Variants in ARHGEF3 observed in about 807,000 individuals in gnomAD.
The protein encoded by ARHGEF3 is 59.8 kDA protein.
In ARHGEF3, 28 loss-of-function variants were observed where a neutral mutation model predicts 63.2. That is an observed-to-expected ratio of 0.44 (90% CI 0.33 to 0.61). The LOEUF (loss-of-function observed/expected upper bound fraction) is 0.61, where lower values mean the gene tolerates loss of function less well. Among genes scored for constraint, ARHGEF3 ranks in the 20% least tolerant of loss-of-function variants. The probability of loss-of-function intolerance (pLI) is 0.03; values close to 1 mark genes in which losing one functional copy is unlikely to be tolerated. For synonymous variants in ARHGEF3, 266 were observed against 254.2 expected (o/e 1.05, Z -0.44); for missense variants, 533 against 659.3 (o/e 0.81, Z 2.10).
chr3:56,736,067 C>A (rs1018165810), intron 8 of ARHGEF3, among the ~76,000 whole-genome samples: 1 of 150,184 alleles, frequency 6.7e-6, no homozygotes, highest in East Asian at 2.2e-4. Flanking sequence ...CACACACACA[C>A]ACACACACAC....
chr3:56,978,925 G>T (rs1164445479), intron 2 of ARHGEF3, among the ~76,000 whole-genome samples: 2 of 152,174 alleles, frequency 1.3e-5, no homozygotes, highest in Non-Finnish European at 2.9e-5. Context: ...GTAGACTAAG[G>T]CTGGAGGATC....
intron 1 of ARHGEF3, among the ~76,000 whole-genome samples, chr3:57,066,049 AAAAC>A (rs4060553): frequency 0.22 from 33,454 of 151,652 alleles, 4,134 homozygotes; most frequent in East Asian, 0.47. Flanking sequence ...ACAAAAAAAA[AAAAC>A]CCTAAAATGT....
intron 4 of ARHGEF3, among the ~76,000 whole-genome samples, chr3:56,877,824 C>A (rs2040639785): frequency 6.6e-6 from 1 of 152,046 alleles, no homozygotes; most frequent in South Asian, 2.1e-4. Flanking sequence ...TTGCAAGGGT[C>A]TTTGGCATCA....
At chr3:56,881,984 G>A (rs987476625) in intron 4 of ARHGEF3, among the ~76,000 whole-genome samples, 1 of 152,194 alleles carries the variant, frequency 6.6e-6, no homozygotes, top group Non-Finnish European at 1.5e-5. Flanking sequence ...TCCATCTTCT[G>A]GAACCAGCCT....
intron 1 of ARHGEF3, chr3:57,073,685 C>T: frequency 6.2e-7 from 1 of 1,602,156 alleles, no homozygotes; most frequent in South Asian, 1.1e-5. Flanking sequence ...CTGTTTTTGA[C>T]TTGGGCCCCA....
intron 1 of ARHGEF3, among the ~76,000 whole-genome samples, chr3:56,792,122 AG>A (rs2037116052): frequency 5.0e-5 from 7 of 140,126 alleles, no homozygotes; most frequent in South Asian, 2.2e-4. Context: ...AAAAAAGAAA[AG>A]AAAAGAAAAG....
chr3:57,019,670 A>C (rs956843210), intron 2 of ARHGEF3, among the ~76,000 whole-genome samples: 3 of 152,220 alleles, frequency 2.0e-5, no homozygotes. Context: ...TTGCTACTAT[A>C]AAGGCTCTAT....
rs28408988 is a variant in ARHGEF3, at chr3:57,029,371, G to A, written c.62+5717C>T. On this transcript the variant is annotated intron_variant, in intron 2 of 12. Transcript: ENST00000338458. ...CTTGAACCCAGGAGCGGAGGTTGCA[G>A]TGAGCAGAGATCATGCCACTACACT... Among the ~76,000 whole-genome samples the A allele has an allele frequency of 9.5e-3, 1,441 of 152,058 alleles. 33 individuals are homozygous for A. The highest frequency in any genetic ancestry group is 0.033 in the African/African-American group (1,349 of 41,440).
At chr3:56,939,213 G>A (rs1333242749) in intron 3 of ARHGEF3, among the ~76,000 whole-genome samples, 1 of 152,108 alleles carries the variant, frequency 6.6e-6, no homozygotes, top group African/African-American at 2.4e-5. Context: ...CCCAGATTCA[G>A]ACACAGGCAG....
chr3:56,967,114 C>T (rs1230061710), intron 2 of ARHGEF3, among the ~76,000 whole-genome samples: 1 of 147,938 alleles, frequency 6.8e-6, no homozygotes, highest in Non-Finnish European at 1.5e-5. Flanking sequence ...CTGCCTGCCT[C>T]GGCCTCCGAA....
intron 1 of ARHGEF3, among the ~76,000 whole-genome samples, chr3:57,058,627 G>A (rs1560167951): frequency 6.6e-6 from 1 of 152,066 alleles, no homozygotes. Flanking sequence ...ATTTGACCCA[G>A]CCATCCCACT....
chr3:56,755,709 G>A (rs531519414), intron 2 of ARHGEF3, among the ~76,000 whole-genome samples: 95 of 152,176 alleles, frequency 6.2e-4, no homozygotes, highest in African/African-American at 2.0e-3. Flanking sequence ...CATGAGTTAC[G>A]GGAGAAAGGA....
At chr3:56,890,335 G>T (rs1348974955) in intron 3 of ARHGEF3, among the ~76,000 whole-genome samples, 1 of 152,144 alleles carries the variant, frequency 6.6e-6, no homozygotes, top group Non-Finnish European at 1.5e-5. Flanking sequence ...CTATAAAGCA[G>T]TTCTATAAGC....
Position 56,732,220 on chromosome 3 carries a change from C to A in ARHGEF3, c.1228+18G>T. 1 of 1,613,146 alleles carries A rather than the reference C, an allele frequency of 6.2e-7. No homozygotes were observed. The highest frequency in any genetic ancestry group is 1.1e-5 in the South Asian group (1 of 91,014). ...GGCCAAAAACATTCAACAGGTCAAC[C>A]CCGACTGCTATCCATACTTCTCTCA... is the stretch of plus-strand genomic sequence containing the variant. On this transcript the variant is annotated intron_variant, in intron 9 of 9. Coordinates refer to ENST00000296315, the MANE Select transcript of ARHGEF3 (RefSeq NM_019555.3).
At chr3:56,972,665 G>C (rs1282510372) in intron 2 of ARHGEF3, among the ~76,000 whole-genome samples, 1 of 152,006 alleles carries the variant, frequency 6.6e-6, no homozygotes, top group East Asian at 1.9e-4. Context: ...GCACGGCTGA[G>C]GGGCAGCAAA....
intron 2 of ARHGEF3, among the ~76,000 whole-genome samples, chr3:57,016,475 G>A (rs549123151): frequency 6.6e-6 from 1 of 152,098 alleles, no homozygotes; most frequent in South Asian, 2.1e-4. Context: ...TTAAACCCGG[G>A]AGGCGGAGGA....
chr3:56,904,515 CTTG>C (rs2041624423), intron 3 of ARHGEF3, among the ~76,000 whole-genome samples: 1 of 152,120 alleles, frequency 6.6e-6, no homozygotes, highest in South Asian at 2.1e-4. Flanking sequence ...AAACATATTA[CTTG>C]TTAATCTAAT....
At chr3:56,965,832 T>TA (rs1478123487) in intron 2 of ARHGEF3, among the ~76,000 whole-genome samples, 1 of 151,862 alleles carries the variant, frequency 6.6e-6, no homozygotes, top group African/African-American at 2.4e-5. Context: ...GTATTTTTAT[T>TA]AGAGATGTGG....
chr3:57,063,599 G>A (rs1008094006), intron 1 of ARHGEF3, among the ~76,000 whole-genome samples: 6 of 152,162 alleles, frequency 3.9e-5, no homozygotes, highest in Non-Finnish European at 2.9e-5. Flanking sequence ...CCAGGAGGTT[G>A]GGGTGCTCCT....
Sources: gnomAD v4.1 joint callset for allele counts (sites outside exome capture counted in the v4.1 genomes callset) on GRCh38, gnomAD v4.1.1 for gene constraint, MANE v1.5 for transcripts, NCBI Gene and HGNC (gene_info 2026-07-23, HGNC 2026-07-21) for gene names.